IGFBP7: variants seen among roughly 807,000 people sequenced by gnomAD.
IGFBP7 encodes the protein insulin-like growth factor-binding protein 7.
Under a neutral mutation model 29.4 loss-of-function variants are expected in IGFBP7, and 31 were observed. That is an observed-to-expected ratio of 1.05 (90% CI 0.79 to 1.42). The LOEUF is 1.42. Among genes scored for constraint, IGFBP7 ranks in the 40% most tolerant of loss-of-function variants. IGFBP7 has a pLI of 0.00. For missense variants in IGFBP7, 393 were observed against 395.5 expected (o/e 0.99, Z 0.05); for synonymous variants, 172 against 174.9 (o/e 0.98, Z 0.13).
chr4:57,088,110 A>C (rs1015417558), intron 1 of IGFBP7, among the ~76,000 whole-genome samples: 3 of 150,036 alleles, frequency 2.0e-5, no homozygotes, highest in Non-Finnish European at 4.4e-5. Context: ...CTGGGACTAC[A>C]GATATGCACT....
At chr4:57,103,642 C>CTTTT (rs1245543313) in intron 1 of IGFBP7, among the ~76,000 whole-genome samples, 2 of 84,222 alleles carry the variant, frequency 2.4e-5, no homozygotes, top group African/African-American at 8.4e-5. Context: ...TAGAACTTTT[C>CTTTT]TTTTTTTTTT....
intron 2 of IGFBP7, among the ~76,000 whole-genome samples, chr4:57,033,533 T>C (rs182284132): frequency 8.5e-4 from 129 of 152,334 alleles, no homozygotes; most frequent in Non-Finnish European, 1.6e-3. Context: ...TTTAAACTAA[T>C]GTATTTTTCT....
At chr4:57,054,112 G>A (rs1724582053) in intron 1 of IGFBP7, among the ~76,000 whole-genome samples, 1 of 152,106 alleles carries the variant, frequency 6.6e-6, no homozygotes, top group Non-Finnish European at 1.5e-5. Flanking sequence ...AGCCTCCTGA[G>A]TGGCTGAGAC....
intron 2 of IGFBP7, among the ~76,000 whole-genome samples, chr4:57,038,784 C>T (rs1367657019): frequency 6.6e-6 from 1 of 151,828 alleles, no homozygotes; most frequent in African/African-American, 2.4e-5. Context: ...AGGACAAAAA[C>T]GACCAGGCGC....
intron 1 of IGFBP7, among the ~76,000 whole-genome samples, chr4:57,056,086 G>C (rs1402659471): frequency 6.6e-6 from 1 of 151,910 alleles, no homozygotes; most frequent in African/African-American, 2.4e-5. Flanking sequence ...AGCCAGCCGC[G>C]CATAACTGAG....
chr4:57,054,738 C>G (rs11726321), intron 1 of IGFBP7, among the ~76,000 whole-genome samples: 1 of 151,758 alleles, frequency 6.6e-6, no homozygotes, highest in East Asian at 1.9e-4. Context: ...TTCAGGAGAG[C>G]TGGACTTGCT....
intron 1 of IGFBP7, among the ~76,000 whole-genome samples, chr4:57,075,024 T>A (rs1330846597): frequency 6.6e-6 from 1 of 152,330 alleles, no homozygotes; most frequent in Non-Finnish European, 1.5e-5. Flanking sequence ...CTAAAGGGCA[T>A]CTTCCTTTAA....
At chr4:57,040,104 G>A (rs1003084558) in intron 2 of IGFBP7, among the ~76,000 whole-genome samples, 1 of 151,974 alleles carries the variant, frequency 6.6e-6, no homozygotes, top group South Asian at 2.1e-4. Context: ...GTTCTGGAGT[G>A]GTCTCCTCTG....
At chr4:57,108,252 G>T (rs1053788554) in intron 1 of IGFBP7, among the ~76,000 whole-genome samples, 9 of 152,164 alleles carry the variant, frequency 5.9e-5, no homozygotes, top group Non-Finnish European at 1.0e-4. Flanking sequence ...CTCTGAAATT[G>T]ATGACATACA....
intron 2 of IGFBP7, among the ~76,000 whole-genome samples, chr4:57,040,439 AAGAG>A (rs1724192524): frequency 6.6e-6 from 1 of 152,192 alleles, no homozygotes; most frequent in Admixed American, 6.5e-5. Flanking sequence ...TTGGGACAGA[AAGAG>A]AGAAACGTAC....
chr4:57,035,351 T>C (rs529107193), intron 2 of IGFBP7, among the ~76,000 whole-genome samples: 58 of 152,362 alleles, frequency 3.8e-4, no homozygotes, highest in Admixed American at 9.1e-4. Flanking sequence ...TTATACATCA[T>C]GTAGAAAACA....
rs1724206112 is a variant in IGFBP7 at position 57,040,897 on chromosome 4, T to C, written c.512A>G (p.Asn171Ser). ...SIVTPPKDIWNVTGAQVYLSC... is the reference protein window; with the variant it reads ...SIVTPPKDIWSVTGAQVYLSC... ...CAAGTACACCTGGGCACCAGTGACATTCCAGATGTCCTTGGGGGGCGTCAC... is the reference window on the plus strand; with the variant it reads ...CAAGTACACCTGGGCACCAGTGACACTCCAGATGTCCTTGGGGGGCGTCAC... The change falls in exon 2 of 5, where the codon AAT becomes AGT. Residue 171 changes from asparagine (N) to serine (S), a missense_variant. Asn to Ser is a conservative substitution (Grantham distance 46, BLOSUM62 1). Coordinates refer to ENST00000295666, the MANE Select transcript of IGFBP7 (RefSeq NM_001553.3). 6.2e-7 allele frequency: 1 copy of C among 1,614,050 alleles called. No individual in the cohort carries two copies. The highest frequency in any genetic ancestry group is 8.5e-7 in the Non-Finnish European group (1 of 1,180,004).
chr4:57,096,606 C>T (rs542621831), intron 1 of IGFBP7, among the ~76,000 whole-genome samples: 14 of 152,256 alleles, frequency 9.2e-5, no homozygotes, highest in Non-Finnish European at 4.4e-5. Context: ...TGATAGAGTG[C>T]ATAGTATATG....
At chr4:57,059,761 A>G (rs1724756577) in intron 1 of IGFBP7, among the ~76,000 whole-genome samples, 1 of 152,220 alleles carries the variant, frequency 6.6e-6, no homozygotes, top group African/African-American at 2.4e-5. Flanking sequence ...CTTTTTTTAA[A>G]AAAGAATATT....
intron 1 of IGFBP7, among the ~76,000 whole-genome samples, chr4:57,094,559 G>A (rs561890856): frequency 6.6e-6 from 1 of 152,198 alleles, no homozygotes; most frequent in South Asian, 2.1e-4. Context: ...GAGGGTGCAG[G>A]GCAAAAACAG....
intron 1 of IGFBP7, among the ~76,000 whole-genome samples, chr4:57,091,603 A>G (rs1436022458): frequency 6.6e-6 from 1 of 152,228 alleles, no homozygotes; most frequent in Non-Finnish European, 1.5e-5. Flanking sequence ...AATTCTTAGA[A>G]AATGCACTGT....
At chr4:57,045,777 G>T (rs892993896) in intron 1 of IGFBP7, among the ~76,000 whole-genome samples, 5 of 151,674 alleles carry the variant, frequency 3.3e-5, no homozygotes, top group Admixed American at 6.6e-5. Flanking sequence ...GTTGCCCAGG[G>T]TGCAATGGTG....
At chr4:57,083,932 T>G (rs1439111843) in intron 1 of IGFBP7, among the ~76,000 whole-genome samples, 1 of 152,222 alleles carries the variant, frequency 6.6e-6, no homozygotes, top group Non-Finnish European at 1.5e-5. Context: ...TTAAATTTGT[T>G]CTGCATGTGG....
intron 1 of IGFBP7, among the ~76,000 whole-genome samples, chr4:57,074,326 G>A (rs62308280): frequency 0.14 from 21,712 of 152,202 alleles, 1,615 homozygotes; most frequent in Admixed American, 0.15. Context: ...CTCCCAAAGT[G>A]CTGGGATTAC....
Sources: allele counts gnomAD v4.1 joint callset (sites outside exome capture counted in the v4.1 genomes callset), GRCh38; gene constraint gnomAD v4.1.1; transcripts MANE v1.5; gene names NCBI Gene and HGNC (gene_info 2026-07-23, HGNC 2026-07-21).